Variants in PCDH15 observed in about 807,000 individuals in gnomAD.
The protein encoded by PCDH15 is protocadherin related 15, also known as protocadherin-15.
PCDH15 carries 129 observed loss-of-function variants against 178.5 expected under a neutral mutation model. That is an observed-to-expected ratio of 0.72 (90% CI 0.63 to 0.84). The LOEUF (loss-of-function observed/expected upper bound fraction) is 0.84, where lower values mean the gene tolerates loss of function less well. PCDH15 is among the 40% of genes least tolerant of loss of function. The pLI is 0.00. For missense variants in PCDH15, 2,230 were observed against 2,099.9 expected, an observed-to-expected ratio of 1.06 and a Z score of -1.21; for synonymous variants, 800 against 732.0, an observed-to-expected ratio of 1.09 and a Z score of -1.50.
intron 13 of PCDH15, among the ~76,000 whole-genome samples, chr10:54,171,345 C>T (rs567437069): frequency 6.6e-6 from 1 of 152,338 alleles, no homozygotes; most frequent in African/African-American, 2.4e-5. Flanking sequence ...ACTTTTACCA[C>T]TTTCCCTTCT....
At chr10:54,701,275 C>T (rs114534373) in intron 1 of PCDH15, among the ~76,000 whole-genome samples, 281 of 152,130 alleles carry the variant, frequency 1.8e-3, no homozygotes, top group African/African-American at 6.4e-3. Context: ...TTTGTTAGCA[C>T]GTGACCTGCC....
chr10:55,325,709 A>G (rs1053211444), intron 2 of PCDH15, among the ~76,000 whole-genome samples: 3 of 152,134 alleles, frequency 2.0e-5, no homozygotes, highest in African/African-American at 7.2e-5. Context: ...AAATTGACAA[A>G]TGGGACCTAA....
chr10:54,386,483 A>G (rs184564833), intron 3 of PCDH15, among the ~76,000 whole-genome samples: 152 of 152,116 alleles, frequency 1.0e-3, no homozygotes, highest in African/African-American at 3.5e-3. Flanking sequence ...ATGTTTTATT[A>G]TTTATACATA....
chr10:53,901,936 A>G (rs1408545737), intron 26 of PCDH15, among the ~76,000 whole-genome samples: 5 of 151,964 alleles, frequency 3.3e-5, no homozygotes, highest in South Asian at 2.1e-4. Flanking sequence ...TCATCTATTC[A>G]TTTCTTCAAC....
intron 23 of PCDH15, among the ~76,000 whole-genome samples, chr10:53,943,911 AAAT>A (rs1158637948): frequency 6.6e-6 from 1 of 152,090 alleles, no homozygotes; most frequent in Admixed American, 6.5e-5. Flanking sequence ...ATATTAATAA[AAAT>A]AATATTATTT....
At chr10:54,069,909 A>G (rs2094207625) in intron 17 of PCDH15, among the ~76,000 whole-genome samples, 1 of 152,082 alleles carries the variant, frequency 6.6e-6, no homozygotes, top group African/African-American at 2.4e-5. Flanking sequence ...TTTAAATATG[A>G]ATATATATAT....
intron 25 of PCDH15, among the ~76,000 whole-genome samples, chr10:53,915,798 T>C (rs1303663062): frequency 6.6e-6 from 1 of 152,134 alleles, no homozygotes; most frequent in Admixed American, 6.5e-5. Flanking sequence ...GACCTTGTGA[T>C]CTGTCGCTTC....
At chr10:55,483,769 T>A (rs1196332720) in intron 2 of PCDH15, among the ~76,000 whole-genome samples, 1 of 148,022 alleles carries the variant, frequency 6.8e-6, no homozygotes, top group Admixed American at 6.8e-5. Context: ...TGAGTTGAGA[T>A]CATGCCACTG....
At chr10:54,250,077 C>CTAT (rs1412806029) in intron 8 of PCDH15, among the ~76,000 whole-genome samples, 17 of 137,798 alleles carry the variant, frequency 1.2e-4, no homozygotes, top group African/African-American at 4.6e-4. Flanking sequence ...CCACATCCGG[C>CTAT]TTTTTTTTTT....
rs111281761 is a variant in PCDH15, at chr10:55,477,472, G to A, written c.-156+150153C>T. On this transcript the variant is annotated intron_variant, in intron 2 of 5. Transcript: ENST00000613346. ...TTAGATTCTGGTCATAAGCAGGACC[G>A]CTTCAGTGACTTAAGGATATAGCCT... 2.2e-3 allele frequency among the ~76,000 whole-genome samples: 328 copies of A among 151,988 alleles called. 1 individual carries two copies. Among genetic ancestry groups the A allele is most frequent in the Middle Eastern group, 6.8e-3 (2 of 294 alleles).
chr10:54,329,527 GA>G, intron 7 of PCDH15, 68 bp downstream of exon 7: 1 of 1,144,034 alleles, frequency 8.7e-7, no homozygotes, highest in Non-Finnish European at 1.3e-6. Context: ...AAGAGTATCT[GA>G]TACATTTTGG....
chr10:55,484,289 A>C (rs911548985), intron 2 of PCDH15, among the ~76,000 whole-genome samples: 1 of 151,750 alleles, frequency 6.6e-6, no homozygotes, highest in African/African-American at 2.4e-5. Context: ...CTGAACTTAA[A>C]GTTAAAAAAT....
intron 2 of PCDH15, among the ~76,000 whole-genome samples, chr10:55,524,193 T>A (rs932633915): frequency 6.6e-6 from 1 of 151,634 alleles, no homozygotes; most frequent in Non-Finnish European, 1.5e-5. Flanking sequence ...AGAAAAAGTA[T>A]ATAGAGTAAA....
intron 5 of PCDH15, among the ~76,000 whole-genome samples, chr10:54,348,869 C>T (rs1943736068): frequency 6.6e-6 from 1 of 152,228 alleles, no homozygotes; most frequent in African/African-American, 2.4e-5. Context: ...ATACTGTCTG[C>T]TGCAATTACT....
intron 13 of PCDH15, among the ~76,000 whole-genome samples, chr10:54,166,265 C>T (rs2046217521): frequency 6.6e-6 from 1 of 152,158 alleles, no homozygotes; most frequent in African/African-American, 2.4e-5. Context: ...TCAAATTTAA[C>T]AACTCAATAA....
intron 2 of PCDH15, among the ~76,000 whole-genome samples, chr10:54,957,488 G>C (rs1838519440): frequency 6.6e-6 from 1 of 151,596 alleles, no homozygotes; most frequent in Non-Finnish European, 1.5e-5. Context: ...GTTTAGAGCA[G>C]TGAATACATG....
At chr10:55,264,549 G>C (rs1212774442) in intron 1 of PCDH15, among the ~76,000 whole-genome samples, 1 of 152,144 alleles carries the variant, frequency 6.6e-6, no homozygotes, top group East Asian at 1.9e-4. Context: ...TAGGGAGGAC[G>C]CTTGCTTTAT....
chr10:54,432,845 A>C (rs1186042934), intron 3 of PCDH15, among the ~76,000 whole-genome samples: 2 of 152,072 alleles, frequency 1.3e-5, no homozygotes, highest in Admixed American at 1.3e-4. Context: ...AGTATTAATA[A>C]CCAGAATATA....
chr10:53,894,993 C>A (rs2081854366), intron 26 of PCDH15, among the ~76,000 whole-genome samples: 1 of 152,130 alleles, frequency 6.6e-6, no homozygotes, highest in African/African-American at 2.4e-5. Flanking sequence ...CAATTAGCTG[C>A]ACATGTTGGG....
Sources: gnomAD v4.1 joint callset for allele counts (sites outside exome capture counted in the v4.1 genomes callset) on GRCh38, gnomAD v4.1.1 for gene constraint, MANE v1.5 for transcripts, NCBI Gene and HGNC (gene_info 2026-07-23, HGNC 2026-07-21) for gene names.